Variants in FRMPD4 observed in about 807,000 individuals in gnomAD.
FRMPD4 encodes the protein FERM and PDZ domain containing 4, also known as FERM and PDZ domain-containing protein 4.
In FRMPD4, 22 loss-of-function variants were observed where a neutral mutation model predicts 94.1. The observed-to-expected ratio is 0.23, with a 90% CI of 0.17 to 0.33. The LOEUF is 0.33. Among genes scored for constraint, FRMPD4 ranks in the 10% least tolerant of loss-of-function variants. The probability of loss-of-function intolerance (pLI) is 1.00; values close to 1 mark genes in which losing one functional copy is unlikely to be tolerated. For synonymous variants in FRMPD4, 631 were observed against 548.6 expected, an observed-to-expected ratio of 1.15 and a Z score of -2.10; for missense variants, 1,111 against 1,339.9, an observed-to-expected ratio of 0.83 and a Z score of 2.67.
intron 4 of FRMPD4, among the ~76,000 whole-genome samples, chrX:12,615,194 A>G (rs929680002): frequency 8.9e-6 from 1 of 112,288 alleles, no homozygotes; most frequent in African/African-American, 3.2e-5. Flanking sequence ...TTGATTTTTC[A>G]TAATCAGGGA....
intron 3 of FRMPD4, among the ~76,000 whole-genome samples, chrX:11,991,257 C>T (rs111843203): frequency 0.087 from 9,710 of 111,213 alleles, 354 homozygotes; most frequent in East Asian, 0.23. Flanking sequence ...GTGGGACTCA[C>T]TGGGGGTCAT....
chrX:12,327,093 C>T (rs1283486126), intron 1 of FRMPD4, among the ~76,000 whole-genome samples: 1 of 111,970 alleles, frequency 8.9e-6, no homozygotes, highest in Non-Finnish European at 1.9e-5. Flanking sequence ...GAGCTGCTGA[C>T]ACATCCTCTA....
At chrX:12,414,783 A>AT (rs2056777736) in intron 1 of FRMPD4, among the ~76,000 whole-genome samples, 1 of 111,961 alleles carries the variant, frequency 8.9e-6, no homozygotes, top group South Asian at 3.7e-4. Context: ...GGTGCTTTAC[A>AT]TATCACTACA....
chrX:11,879,503 T>C (rs969310617), intron 3 of FRMPD4, among the ~76,000 whole-genome samples: 7 of 111,148 alleles, frequency 6.3e-5, no homozygotes, highest in Non-Finnish European at 1.1e-4. Flanking sequence ...CAATAGTCTC[T>C]TGACTATTAT....
At chrX:12,401,094 A>G (rs1601901557) in intron 1 of FRMPD4, among the ~76,000 whole-genome samples, 1 of 111,828 alleles carries the variant, frequency 8.9e-6, no homozygotes, top group African/African-American at 3.2e-5. Flanking sequence ...TGTATTTGAA[A>G]TTAATTCATC....
At chrX:11,836,634 T>C (rs1012947055) in intron 1 of FRMPD4, among the ~76,000 whole-genome samples, 4 of 111,578 alleles carry the variant, frequency 3.6e-5, no homozygotes, top group African/African-American at 1.3e-4. Flanking sequence ...CAACATGCTA[T>C]ATACAAGAGA....
At chrX:12,113,635 G>C (rs751631338) in intron 3 of FRMPD4, among the ~76,000 whole-genome samples, 2 of 111,852 alleles carry the variant, frequency 1.8e-5, no homozygotes, top group East Asian at 5.6e-4. Flanking sequence ...GTCCCTCTCC[G>C]TAATCCAAGA....
intron 1 of FRMPD4, among the ~76,000 whole-genome samples, chrX:12,273,801 C>T (rs1393199295): frequency 8.9e-6 from 1 of 112,514 alleles, no homozygotes; most frequent in Non-Finnish European, 1.9e-5. Flanking sequence ...TCTCATTGTA[C>T]TGAGTTTTCA....
intron 1 of FRMPD4, among the ~76,000 whole-genome samples, chrX:12,151,969 C>A (rs1293637620): frequency 2.7e-5 from 3 of 111,319 alleles, no homozygotes; most frequent in Non-Finnish European, 5.7e-5. Flanking sequence ...ATCTGAGATG[C>A]CATTAAAATG....
At chrX:12,711,470 C>T (rs1042787434) in intron 14 of FRMPD4, among the ~76,000 whole-genome samples, 10 of 111,929 alleles carry the variant, frequency 8.9e-5, no homozygotes, top group South Asian at 3.7e-4. Context: ...ATCCCCACAA[C>T]GAGGACAGGG....
At chrX:11,894,532 T>A (rs1269442536) in intron 3 of FRMPD4, among the ~76,000 whole-genome samples, 2 of 112,455 alleles carry the variant, frequency 1.8e-5, no homozygotes, top group Non-Finnish European at 3.8e-5. Flanking sequence ...CACATTGGAA[T>A]GTCTTGGGGA....
intron 1 of FRMPD4, among the ~76,000 whole-genome samples, chrX:11,838,154 C>T (rs1251335512): frequency 9.0e-6 from 1 of 111,461 alleles, no homozygotes; most frequent in African/African-American, 3.3e-5. Flanking sequence ...TCAGAACACA[C>T]CACAAAGATC....
intron 1 of FRMPD4, among the ~76,000 whole-genome samples, chrX:12,405,647 A>G (rs2056658580): frequency 9.0e-6 from 1 of 111,392 alleles, no homozygotes; most frequent in Admixed American, 9.6e-5. Context: ...AAGACTTCGA[A>G]CCTGTACCCA....
At chrX:12,608,893 A>G (rs749719759) in intron 2 of FRMPD4, among the ~76,000 whole-genome samples, 7 of 111,898 alleles carry the variant, frequency 6.3e-5, no homozygotes, top group Non-Finnish European at 1.3e-4. Context: ...CTTGAACAAC[A>G]TGGGGCTTGG....
chrX:12,292,915 C>T (rs1441069321), intron 1 of FRMPD4, among the ~76,000 whole-genome samples: 1 of 109,061 alleles, frequency 9.2e-6, no homozygotes, highest in Non-Finnish European at 1.9e-5. Context: ...TATGTACCTA[C>T]ACAAAGGCAT....
chrX:12,686,412 C>A (rs1391620206), intron 7 of FRMPD4, among the ~76,000 whole-genome samples: 1 of 112,248 alleles, frequency 8.9e-6, no homozygotes, highest in African/African-American at 3.2e-5. Context: ...TTTTATTTCT[C>A]TTGGTGTTGC....
chrX:12,525,571 T>G (rs775915507), intron 2 of FRMPD4, among the ~76,000 whole-genome samples: 6 of 112,679 alleles, frequency 5.3e-5, no homozygotes, highest in African/African-American at 1.6e-4. Context: ...GAAATGGCCA[T>G]GCAAAGCTGT....
chrX:12,370,655 A>G (rs982193017), intron 1 of FRMPD4, among the ~76,000 whole-genome samples: 9 of 112,578 alleles, frequency 8.0e-5, no homozygotes, highest in Admixed American at 6.6e-4. Flanking sequence ...AAATGTTACA[A>G]GTGTTCCAAA....
Position 11,965,003 on chromosome X carries a change from C to CT in FRMPD4, c.95+86991dup, listed in dbSNP as rs1229335876. 3.5e-5 allele frequency among the ~76,000 whole-genome samples: 4 copies of CT among 112,818 alleles called. No homozygotes were observed. The East Asian group carries it at 8.4e-4, about 24-fold the overall frequency. On this transcript the variant is annotated intron_variant, in intron 3 of 18. Coordinates refer to the FRMPD4 transcript ENST00000640291. ...TTCTCACACTACCATTTCTCTGATT[C>CT]TTTTTTGCCTCCCTCTTCTAGTTTT...
Sources: allele counts gnomAD v4.1 joint callset (sites outside exome capture counted in the v4.1 genomes callset), GRCh38; gene constraint gnomAD v4.1.1; transcripts MANE v1.5; gene names NCBI Gene and HGNC (gene_info 2026-07-23, HGNC 2026-07-21).